Variants in CDKN2AIP observed in about 807,000 individuals in gnomAD.
The protein encoded by CDKN2AIP is CDKN2A interacting protein, also known as CDKN2A-interacting protein.
Under a neutral mutation model 44.1 loss-of-function variants are expected in CDKN2AIP, and 12 were observed. The observed-to-expected ratio is 0.27, with a 90% CI of 0.17 to 0.44. The LOEUF (loss-of-function observed/expected upper bound fraction) is 0.44, where lower values mean the gene tolerates loss of function less well. Among genes scored for constraint, CDKN2AIP ranks in the 20% least tolerant of loss-of-function variants. The pLI is 1.00. For missense variants in CDKN2AIP, 705 were observed against 681.6 expected, an observed-to-expected ratio of 1.03 and a Z score of -0.38; for synonymous variants, 291 against 272.1, an observed-to-expected ratio of 1.07 and a Z score of -0.68.
Position 183,447,485 on chromosome 4 carries a change from T to G in CDKN2AIP, c.*58T>G. 7.7e-7 allele frequency: 1 copy of G among 1,296,038 alleles called. No homozygotes were observed. Among genetic ancestry groups the G allele is most frequent in the Non-Finnish European group, 1.1e-6 (1 of 945,134 alleles). The allele number at this position is 1,296,038 out of a possible 1,614,324, so 80.3% of individuals were successfully genotyped here. ...GTATTTGAAGAGAAAAACTGACTTT[T>G]GTATAGTATAAAACACAGGCTTTCA... is the stretch of plus-strand genomic sequence containing the variant. On this transcript the variant is annotated 3_prime_UTR_variant, in exon 3 of 3. Coordinates refer to ENST00000504169, the MANE Select transcript of CDKN2AIP (RefSeq NM_017632.4).
Position 183,448,753 on chromosome 4 carries a change from C to G in CDKN2AIP, c.*1326C>G, listed in dbSNP as rs73870542. On this transcript the variant is annotated 3_prime_UTR_variant, in exon 3 of 3. Transcript: ENST00000504169. ...GTAGCAGTTATTCCTATTTTGTATTCTAGGAATAAAAAGATACTTTAATTT... is the reference window on the plus strand; with the variant it reads ...GTAGCAGTTATTCCTATTTTGTATTGTAGGAATAAAAAGATACTTTAATTT... Among the ~76,000 whole-genome samples the G allele has an allele frequency of 0.017, 2,528 of 152,098 alleles. 71 individuals are homozygous for G. The highest frequency in any genetic ancestry group is 0.058 in the African/African-American group (2,401 of 41,502).
In CDKN2AIP at chr4:183,449,046, A is replaced by C. The variant is rs1301085554; in HGVS notation, c.*1619A>C. 3.9e-5 allele frequency among the ~76,000 whole-genome samples: 6 copies of C among 152,132 alleles called. No homozygotes were observed. The highest frequency in any genetic ancestry group is 1.3e-4 in the Admixed American group (2 of 15,280). ...GCAAAAAATTACAACGAACAAATAA[A>C]TTTATATAATATATCCAATTAGGTG... On this transcript the variant is annotated 3_prime_UTR_variant, in exon 3 of 3. Coordinates refer to ENST00000504169, the MANE Select transcript of CDKN2AIP (RefSeq NM_017632.4).
At position 183,444,771 on chromosome 4, in the gene CDKN2AIP, G is replaced by A. The variant is rs1355800491; in HGVS notation, c.-27G>A. The A allele has an allele frequency of 6.6e-7, 1 of 1,503,812 alleles. No homozygotes were observed. Among genetic ancestry groups the A allele is most frequent in the Non-Finnish European group, 8.9e-7 (1 of 1,118,226 alleles). 93.2% of individuals were successfully genotyped at this position (1,503,812 alleles called of 1,614,324 possible). A position where few individuals can be genotyped will look rare whatever the true frequency, so the allele number is the denominator to read the frequency against. On this transcript the variant is annotated 5_prime_UTR_variant, in exon 1 of 3. Transcript: ENST00000504169. ...CTAGTCCTGCCTGTCTCCCGGTGCA[G>A]CTGTGTTCGCGGCCTGCAGGCCCAA... is the stretch of plus-strand genomic sequence containing the variant.
chr4:183,445,870 A>C (rs1733655100), intron 2 of CDKN2AIP: 3 of 631,678 alleles, frequency 4.7e-6, no homozygotes, highest in Non-Finnish European at 8.3e-6. Context: ...TAGATTTTGA[A>C]GTGTCCACTG....
In CDKN2AIP at chr4:183,446,859, G is replaced by T. The variant is rs749748152; in HGVS notation, c.1175G>T (p.Ser392Ile). The T allele has an allele frequency of 8.1e-6, 13 of 1,614,200 alleles. No individual in the cohort carries two copies. Among genetic ancestry groups the T allele is most frequent in the Non-Finnish European group, 1.1e-5 (13 of 1,180,036 alleles). The change falls in exon 3 of 3, where the codon AGT becomes ATT. Residue 392 changes from serine (S) to isoleucine (I), a missense_variant. Coordinates refer to ENST00000504169, the MANE Select transcript of CDKN2AIP (RefSeq NM_017632.4). Reference sequence around the variant, plus strand: ...GTTTCCAAAAGCACTTCCTTAGCAAGTGTGTCCCAGTTGGCTTCTAAGAGT... The same window carrying T: ...GTTTCCAAAAGCACTTCCTTAGCAATTGTGTCCCAGTTGGCTTCTAAGAGT... The part of the protein sequence containing the change: ...SLVSKSTSLA[S>I]VSQLASKSSS...
Position 183,448,803 on chromosome 4 carries a change from A to G in CDKN2AIP, c.*1376A>G, listed in dbSNP as rs960117900. Among the ~76,000 whole-genome samples the G allele has an allele frequency of 6.6e-6, 1 of 152,202 alleles. No individual in the cohort carries two copies. Among genetic ancestry groups the G allele is most frequent in the Non-Finnish European group, 1.5e-5 (1 of 68,014 alleles). The stretch of plus-strand genomic sequence containing the variant: ...TTTTATGCTAGAATTACATAATTAC[A>G]TAATCAGATGTTTTAATTTTACCAT... On this transcript the variant is annotated 3_prime_UTR_variant, in exon 3 of 3. Coordinates refer to ENST00000504169, the MANE Select transcript of CDKN2AIP (RefSeq NM_017632.4).
Position 183,444,682 on chromosome 4 carries a change from C to G in CDKN2AIP, c.-116C>G, listed in dbSNP as rs548729012. 4.1e-5 allele frequency: 44 copies of G among 1,069,694 alleles called. No individual in the cohort carries two copies. The highest frequency in any genetic ancestry group is 1.4e-4 in the South Asian group (8 of 58,132). The allele number at this position is 1,069,694 out of a possible 1,614,324, so 66.3% of individuals were successfully genotyped here. ...GGGCGCTGTTGTTTGGTCTTTAGGC[C>G]TGCGGAGGGGCGTTATCTGGAGGGC... is the stretch of plus-strand genomic sequence containing the variant. On this transcript the variant is annotated 5_prime_UTR_variant, in exon 1 of 3. Transcript: ENST00000504169.
In CDKN2AIP at chr4:183,446,697, C is replaced by A. The variant is rs756016744; in HGVS notation, c.1013C>A (p.Ser338Tyr). Reference protein sequence around the residue: ...SVSSSVAKNSSSSGTSLLTPK... With the variant: ...SVSSSVAKNSYSSGTSLLTPK... ...TCATCATCAGTTGCTAAAAACAGTT[C>A]CTCATCAGGCACATCCTTACTGACT... is the stretch of plus-strand genomic sequence containing the variant. Residue 338 changes from serine to tyrosine, a missense_variant, in exon 3 of 3, where the codon TCC (serine) becomes TAC (tyrosine). Ser to Tyr is a moderately radical substitution (Grantham distance 144). Transcript: ENST00000504169. The A allele has an allele frequency of 6.8e-6, 11 of 1,614,056 alleles. No individual in the cohort carries two copies. Among genetic ancestry groups the A allele is most frequent in the African/African-American group, 1.3e-5 (1 of 74,946 alleles).
Position 183,446,819 on chromosome 4 carries a change from A to C in CDKN2AIP, c.1135A>C (p.Thr379Pro), listed in dbSNP as rs1355204476. 6.2e-7 allele frequency: 1 copy of C among 1,614,190 alleles called. No homozygotes were observed. The highest frequency in any genetic ancestry group is 8.5e-7 in the Non-Finnish European group (1 of 1,180,038). The change falls in exon 3 of 3, where the codon ACC becomes CCC. Residue 379 changes from threonine to proline, a missense_variant. By Grantham distance (38) the Thr-to-Pro change is conservative (BLOSUM62 -1). Coordinates refer to ENST00000504169, the MANE Select transcript of CDKN2AIP (RefSeq NM_017632.4). ...SLLASKSSSQ[T>P]SGSLVSKSTS... ...ACTAGCTTCCAAGAGCAGCTCCCAG[A>C]CCAGTGGATCTCTGGTTTCCAAAAG...
Position 183,446,262 on chromosome 4 carries a change from G to A in CDKN2AIP, c.578G>A (p.Ser193Asn), listed in dbSNP as rs777293151. The A allele has an allele frequency of 1.2e-6, 2 of 1,614,070 alleles. No individual in the cohort carries two copies. The highest frequency in any genetic ancestry group is 1.1e-5 in the South Asian group (1 of 91,078). ...IKSESGNSAR[S>N]SGISSQNSST... ...TCAGAGAGTGGGAACTCAGCTCGGA[G>A]CTCTGGCATCTCCAGTCAGAATAGC... The change falls in exon 3 of 3, where the codon AGC (serine) becomes AAC (asparagine). Residue 193 changes from serine to asparagine, a missense_variant. Ser to Asn is a conservative substitution (Grantham distance 46). Transcript: ENST00000504169.
At position 183,448,319 on chromosome 4, in the gene CDKN2AIP, T is replaced by A. The variant is rs73870529; in HGVS notation, c.*892T>A. On this transcript the variant is annotated 3_prime_UTR_variant, in exon 3 of 3. Transcript: ENST00000504169. ...TACATCTTTATTTAATTTTTTTTTT[T>A]ACAGCAATCCCCTGAGCCAGAATAG... is the stretch of plus-strand genomic sequence containing the variant. 462 of 152,250 alleles carry A rather than the reference T, an allele frequency of 3.0e-3. 3 individuals are homozygous for A. The highest frequency in any genetic ancestry group is 0.011 in the African/African-American group (446 of 41,546). 9.4% of individuals were successfully genotyped at this position (152,250 alleles called of 1,614,324 possible).
In CDKN2AIP at chr4:183,445,088, C is replaced by T. The variant is rs1486224294; in HGVS notation, c.272+19C>T. 3 of 1,558,984 alleles carry T rather than the reference C, an allele frequency of 1.9e-6. No homozygotes were observed. The highest frequency in any genetic ancestry group is 2.3e-5 in the East Asian group (1 of 43,674). On this transcript the variant is annotated intron_variant, in intron 1 of 2. Coordinates refer to ENST00000504169, the MANE Select transcript of CDKN2AIP (RefSeq NM_017632.4). ...GGTGCCGGTGAGTGAGGCAGCGTCC[C>T]TAACCAGCACGCCTCGTTTTGTGTG... is the stretch of plus-strand genomic sequence containing the variant.
In CDKN2AIP at chr4:183,446,709, C is replaced by T. The variant is rs372360098; in HGVS notation, c.1025C>T (p.Thr342Ile). The change falls in exon 3 of 3, where the codon ACA (threonine) becomes ATA (isoleucine). Residue 342 changes from threonine to isoleucine, a missense_variant. Coordinates refer to ENST00000504169, the MANE Select transcript of CDKN2AIP (RefSeq NM_017632.4). ...GCTAAAAACAGTTCCTCATCAGGCACATCCTTACTGACTCCCAAGAGCAGC... is the reference window on the plus strand; with the variant it reads ...GCTAAAAACAGTTCCTCATCAGGCATATCCTTACTGACTCCCAAGAGCAGC... ...SVAKNSSSSG[T>I]SLLTPKSSSS... The T allele has an allele frequency of 1.5e-5, 25 of 1,614,202 alleles. No homozygotes were observed. Among genetic ancestry groups the T allele is most frequent in the Non-Finnish European group, 1.9e-5 (23 of 1,180,004 alleles).
chr4:183,445,742 AT>A (rs200057043), intron 2 of CDKN2AIP, 77 bp downstream of exon 2: 15,546 of 1,288,934 alleles, frequency 0.012, 131 homozygotes, highest in Non-Finnish European at 0.015. Context: ...ATTGTTACTA[AT>A]TTTTTTAACA....
At chr4:183,445,471 T>A in intron 1 of CDKN2AIP, 64 bp from the exon 2 acceptor site, 2 of 1,322,496 alleles carry the variant, frequency 1.5e-6, no homozygotes, top group East Asian at 4.9e-5. Flanking sequence ...CTGTGGCCTG[T>A]TTTTTGCACA....
chr4:183,446,844 G>A lies in CDKN2AIP; in HGVS notation c.1160G>A (p.Ser387Asn). Residue 387 changes from serine to asparagine, a missense_variant, in exon 3 of 3, where the codon AGC becomes AAC. Around this residue, in one of 2 missense-constraint regions of CDKN2AIP, gnomAD observed 592 missense variants for 518.0 expected, o/e 1.14. Transcript: ENST00000504169. ...SQTSGSLVSK[S>N]TSLASVSQLA... ...ACCAGTGGATCTCTGGTTTCCAAAAGCACTTCCTTAGCAAGTGTGTCCCAG... is the reference window on the plus strand; with the variant it reads ...ACCAGTGGATCTCTGGTTTCCAAAAACACTTCCTTAGCAAGTGTGTCCCAG... 2 of 1,614,176 alleles carry A rather than the reference G, an allele frequency of 1.2e-6. No individual in the cohort carries two copies. Among genetic ancestry groups the A allele is most frequent in the Non-Finnish European group, 1.7e-6 (2 of 1,180,026 alleles).
rs934167058 is a variant in CDKN2AIP, at chr4:183,447,533, C to T, written c.*106C>T. The T allele has an allele frequency of 8.9e-6, 7 of 782,616 alleles. No individual in the cohort carries two copies. In the African/African-American group the frequency reaches 1.1e-4, roughly 12 times the overall value. 48.5% of individuals were successfully genotyped at this position (782,616 alleles called of 1,614,324 possible). ...TCACAAATTTTGTATTGCTTTTTTT[C>T]CAGTTTTGCAGAAAATTTACATTCT... On this transcript the variant is annotated 3_prime_UTR_variant, in exon 3 of 3. Transcript: ENST00000504169.
chr4:183,445,152 G>T (rs1260293220), intron 1 of CDKN2AIP, 83 bp downstream of exon 1: 1 of 1,474,072 alleles, frequency 6.8e-7, no homozygotes, highest in Non-Finnish European at 9.1e-7. Context: ...CCGCGGGACC[G>T]GCCTCGGCGG....
At position 183,446,390 on chromosome 4, in the gene CDKN2AIP, C is replaced by T. The variant is rs745670845; in HGVS notation, c.706C>T (p.Pro236Ser). 1.3e-5 allele frequency: 21 copies of T among 1,588,626 alleles called. No individual in the cohort carries two copies. Among genetic ancestry groups the T allele is most frequent in the Non-Finnish European group, 1.8e-5 (21 of 1,162,902 alleles). Residue 236 changes from proline to serine, a missense_variant, in exon 3 of 3, where the codon CCA becomes TCA. Pro to Ser is a moderately conservative substitution (Grantham distance 74). Transcript: ENST00000504169. ...TGGGAAAGCTTCTGAAGCAGAAGCTCCAGATAAACACGGTTCTGCATCATT... is the reference window on the plus strand; with the variant it reads ...TGGGAAAGCTTCTGAAGCAGAAGCTTCAGATAAACACGGTTCTGCATCATT... ...GSGKASEAEAPDKHGSASFVS... is the reference protein window; with the variant it reads ...GSGKASEAEASDKHGSASFVS...
Sources: allele counts gnomAD v4.1 joint callset (sites outside exome capture counted in the v4.1 genomes callset), GRCh38; gene constraint gnomAD v4.1.1; regional missense constraint gnomAD v4.1.1; transcripts MANE v1.5; gene names NCBI Gene and HGNC (gene_info 2026-07-23, HGNC 2026-07-21).